RYR3: variants seen among roughly 807,000 people sequenced by gnomAD.
RYR3 encodes ryanodine receptor 3, also known as brain ryanodine receptor-calcium release channel.
Under a neutral mutation model 584.3 loss-of-function variants are expected in RYR3, and 207 were observed. That is an observed-to-expected ratio of 0.35 (90% CI 0.32 to 0.40). The LOEUF is 0.40. Among genes scored for constraint, RYR3 ranks in the 10% least tolerant of loss-of-function variants. The pLI, the probability that RYR3 is intolerant of heterozygous loss-of-function variation, is 1.00. For missense variants in RYR3, 5,616 were observed against 6,089.2 expected (o/e 0.92, Z 2.59); for synonymous variants, 2,416 against 2,248.5 (o/e 1.07, Z -2.11).
intron 1 of RYR3, among the ~76,000 whole-genome samples, chr15:33,435,218 A>G (rs2045562543): frequency 6.6e-6 from 1 of 152,200 alleles, no homozygotes; most frequent in Non-Finnish European, 1.5e-5. Context: ...TCACCCAGGT[A>G]TTAAGCCTAG....
Position 33,649,103 on chromosome 15 carries a change from G to C in RYR3, c.4010G>C (p.Gly1337Ala). 4 of 1,613,634 alleles carry C rather than the reference G, an allele frequency of 2.5e-6. No homozygotes were observed. The highest frequency in any genetic ancestry group is 3.4e-6 in the Non-Finnish European group (4 of 1,179,846). ...TACTACGCCATCCGCATCTTTGCTGGACAGGATCCATCCTGTGTCTGGGTC... is the reference window on the plus strand; with the variant it reads ...TACTACGCCATCCGCATCTTTGCTGCACAGGATCCATCCTGTGTCTGGGTC... ...QCYYAIRIFA[G>A]QDPSCVWVGW... Residue 1337 changes from glycine (G) to alanine (A), a missense_variant, in exon 31 of 104, where the codon GGA (glycine) becomes GCA (alanine). Physicochemically the swap from Gly to Ala is moderately conservative, Grantham distance 60. Coordinates refer to ENST00000634891, the MANE Select transcript of RYR3 (RefSeq NM_001036.6).
intron 1 of RYR3, among the ~76,000 whole-genome samples, chr15:33,373,329 AT>A (rs1190836048): frequency 3.4e-4 from 51 of 152,214 alleles, no homozygotes; most frequent in Admixed American, 2.9e-3. Flanking sequence ...GATGTGATGT[AT>A]TTATTCCTAA....
In RYR3 at chr15:33,632,958, G is replaced by A; in HGVS notation, c.2877G>A (p.Met959Ile). The change falls in exon 24 of 104, where the codon ATG becomes ATA. Residue 959 changes from methionine (M) to isoleucine (I), a missense_variant. Around this residue, in one of 9 missense-constraint regions of RYR3, gnomAD observed 1,284 missense variants for 1,344.6 expected, o/e 0.95. Transcript: ENST00000634891. Reference sequence around the variant, plus strand: ...TTACATTTACTTGTAGCTATATGATGTCCAACGGCTATAAGCCAGCCCCTT... The same window carrying A: ...TTACATTTACTTGTAGCTATATGATATCCAACGGCTATAAGCCAGCCCCTT... Reference protein sequence around the residue: ...KKVKLPKNYMMSNGYKPAPLD... With the variant: ...KKVKLPKNYMISNGYKPAPLD... 6.2e-7 allele frequency: 1 copy of A among 1,612,764 alleles called. No individual in the cohort carries two copies.
At chr15:33,653,011 G>C in intron 32 of RYR3, 128 bp downstream of exon 32, 1 of 859,990 alleles carries the variant, frequency 1.2e-6, no homozygotes, top group Non-Finnish European at 1.7e-6. Flanking sequence ...TGGGCCATGG[G>C]CCACTTAGGA....
In RYR3 at chr15:33,586,134, G is replaced by A. The variant is rs762898631; in HGVS notation, c.1788+18G>A. On this transcript the variant is annotated intron_variant, in intron 16 of 103. Transcript: ENST00000634891. Reference sequence around the variant, plus strand: ...ATCACAAGGTAGGTGTGGAAAGAACGGTGATTGACTTTGCCTGGTGTTTCC... The same window carrying A: ...ATCACAAGGTAGGTGTGGAAAGAACAGTGATTGACTTTGCCTGGTGTTTCC... 8 of 1,452,542 alleles carry A rather than the reference G, an allele frequency of 5.5e-6. No homozygotes were observed. The highest frequency in any genetic ancestry group is 4.5e-5 in the South Asian group (4 of 87,978). The allele number at this position is 1,452,542 out of a possible 1,614,324, so 90.0% of individuals were successfully genotyped here.
rs11858588 is a variant in RYR3, at chr15:33,628,007, G to A, written c.2575-464G>A. ...GCAACAAAAAGCAAAAATAAAAACA[G>A]GAGGAGAAAAAAGATTTTGAAGGAA... On this transcript the variant is annotated intron_variant, in intron 20 of 103. Transcript: ENST00000634891. Among the ~76,000 whole-genome samples the A allele has an allele frequency of 8.3e-3, 1,259 of 152,242 alleles. 14 individuals carry two copies. The highest frequency in any genetic ancestry group is 0.027 in the Middle Eastern group (8 of 294).
intron 36 of RYR3, among the ~76,000 whole-genome samples, chr15:33,666,008 T>G (rs2063474626): frequency 6.6e-6 from 1 of 152,220 alleles, no homozygotes; most frequent in South Asian, 2.1e-4. Context: ...GTTTCACCCC[T>G]AGGGTTTCTT....
intron 1 of RYR3, among the ~76,000 whole-genome samples, chr15:33,379,873 C>A (rs1435493180): frequency 1.3e-5 from 2 of 151,968 alleles, no homozygotes. Context: ...ACGAAGGCCC[C>A]AGAGCCCCTG....
rs151144927 is a variant in RYR3 at position 33,842,051 on chromosome 15, T to G, written c.13209+16T>G. 2.5e-6 allele frequency: 4 copies of G among 1,589,712 alleles called. No individual in the cohort carries two copies. The highest frequency in any genetic ancestry group is 3.4e-6 in the Non-Finnish European group (4 of 1,167,702). ...CAAGTTACTGGTAAGCATTCCAACC[T>G]TGGCCCTGTTCATGGTGCAGGGATT... On this transcript the variant is annotated intron_variant, in intron 91 of 103. Transcript: ENST00000634891.
At chr15:33,848,725 G>C (rs2078884601) in intron 94 of RYR3, among the ~76,000 whole-genome samples, 1 of 151,696 alleles carries the variant, frequency 6.6e-6, no homozygotes, top group African/African-American at 2.4e-5. Flanking sequence ...TGTTTCCAGG[G>C]CTTAAGTGGC....
Position 33,311,116 on chromosome 15 carries a change from G to A in RYR3, c.51+20G>A, listed in dbSNP as rs1226840951. The A allele has an allele frequency of 6.4e-7, 1 of 1,560,142 alleles. No homozygotes were observed. The highest frequency in any genetic ancestry group is 8.7e-7 in the Non-Finnish European group (1 of 1,153,084). ...AGGACTGTGAGTCTCCGCGGCGGGG[G>A]CGAGGCCGTGGGCAGGTGGGGAGGA... is the stretch of plus-strand genomic sequence containing the variant. On this transcript the variant is annotated intron_variant, in intron 1 of 103. Transcript: ENST00000634891. This position sits in a 1 kb window ranked among gnomAD's most constrained non-coding sequence, Gnocchi z 4.4.
intron 1 of RYR3, among the ~76,000 whole-genome samples, chr15:33,443,384 G>T (rs1309058728): frequency 6.6e-6 from 1 of 152,076 alleles, no homozygotes; most frequent in Non-Finnish European, 1.5e-5. Flanking sequence ...GTTAAGATAG[G>T]CTACCAGCAA....
chr15:33,746,803 C>CTTTTTTT (rs367738785), intron 53 of RYR3, among the ~76,000 whole-genome samples: 1 of 135,692 alleles, frequency 7.4e-6, no homozygotes, highest in Non-Finnish European at 1.6e-5. Flanking sequence ...TTTCTTTCTT[C>CTTTTTTT]TTTTTTTTTT....
At chr15:33,763,419 CAA>C (rs145446458) in intron 60 of RYR3, among the ~76,000 whole-genome samples, 1 of 144,750 alleles carries the variant, frequency 6.9e-6, no homozygotes, top group African/African-American at 2.6e-5. Flanking sequence ...AATAAATTTA[CAA>C]AAAAAAAACA....
intron 1 of RYR3, among the ~76,000 whole-genome samples, chr15:33,382,451 G>A (rs1178584748): frequency 6.7e-6 from 1 of 149,250 alleles, no homozygotes; most frequent in Non-Finnish European, 1.5e-5. Flanking sequence ...AGCCTCTTGA[G>A]TAGCTGGGAC....
At chr15:33,379,434 T>C (rs934139779) in intron 1 of RYR3, among the ~76,000 whole-genome samples, 3 of 152,084 alleles carry the variant, frequency 2.0e-5, no homozygotes, top group African/African-American at 7.2e-5. Flanking sequence ...GTGAAAAAAA[T>C]ACTTTTTGTC....
intron 1 of RYR3, among the ~76,000 whole-genome samples, chr15:33,377,791 T>C (rs1347033882): frequency 6.6e-6 from 1 of 152,050 alleles, no homozygotes; most frequent in East Asian, 1.9e-4. Flanking sequence ...GTTCTAGAAA[T>C]CTTTTTTTTT....
rs780960362 is a variant in RYR3, at chr15:33,580,147, A to G, written c.1437+3A>G. The G allele has an allele frequency of 1.3e-6, 2 of 1,590,286 alleles. No individual in the cohort carries two copies. The highest frequency in any genetic ancestry group is 1.1e-5 in the South Asian group (1 of 87,734). Reference sequence around the variant, plus strand: ...GACAAAATCTTTTCAAGGAAGAGGTAAGTCGAAAAATGAAAAGTTGAAATT... The same window carrying G: ...GACAAAATCTTTTCAAGGAAGAGGTGAGTCGAAAAATGAAAAGTTGAAATT... On this transcript the variant is annotated splice_donor_region_variant and intron_variant, in intron 13 of 103. Coordinates refer to ENST00000634891, the MANE Select transcript of RYR3 (RefSeq NM_001036.6).
At position 33,310,978 on chromosome 15, in the gene RYR3, C is replaced by A; in HGVS notation, c.-68C>A. ...AGAAAGAGCGCAGCAGCAGTCAGCG[C>A]ACGCCGAGCGGCTGCCGGGGGAAGC... On this transcript the variant is annotated 5_prime_UTR_variant, in exon 1 of 104. Transcript: ENST00000634891. 1 of 1,255,746 alleles carries A rather than the reference C, an allele frequency of 8.0e-7. No individual in the cohort carries two copies. The highest frequency in any genetic ancestry group is 1.1e-6 in the Non-Finnish European group (1 of 883,702). 77.8% of individuals were successfully genotyped at this position (1,255,746 alleles called of 1,614,324 possible).
Sources: gnomAD v4.1 joint callset for allele counts (sites outside exome capture counted in the v4.1 genomes callset) on GRCh38, gnomAD v4.1.1 for gene constraint, gnomAD v4.1.1 regional missense constraint, Gnocchi (gnomAD v3.1) non-coding constraint, MANE v1.5 for transcripts, NCBI Gene and HGNC (gene_info 2026-07-23, HGNC 2026-07-21) for gene names.